BMPR1B: variants seen among roughly 807,000 people sequenced by gnomAD.
The protein encoded by BMPR1B is bone morphogenetic protein receptor type-1B.
A neutral mutation model predicts 59.1 loss-of-function variants in BMPR1B; 12 were observed. The observed-to-expected ratio is 0.20, with a 90% CI of 0.13 to 0.33. The LOEUF (loss-of-function observed/expected upper bound fraction) is 0.33. Among genes scored for constraint, BMPR1B ranks in the 10% least tolerant of loss-of-function variants. The probability of loss-of-function intolerance (pLI) is 1.00; values close to 1 mark genes in which losing one functional copy is unlikely to be tolerated. For synonymous variants in BMPR1B, 237 were observed against 207.3 expected (o/e 1.14, Z -1.23); for missense variants, 550 against 610.9 (o/e 0.90, Z 1.05).
intron 2 of BMPR1B, among the ~76,000 whole-genome samples, chr4:94,895,079 A>G (rs1053656462): frequency 6.6e-6 from 1 of 152,022 alleles, no homozygotes; most frequent in African/African-American, 2.4e-5. Context: ...TTCACGTTGG[A>G]GAGACTTGAT....
At chr4:94,961,471 T>C (rs1730351260) in intron 2 of BMPR1B, among the ~76,000 whole-genome samples, 1 of 152,120 alleles carries the variant, frequency 6.6e-6, no homozygotes, top group South Asian at 2.1e-4. Context: ...TCATTCTTTT[T>C]TTCTGTATTC....
chr4:95,044,656 G>C (rs919373072), intron 3 of BMPR1B, among the ~76,000 whole-genome samples: 1 of 152,148 alleles, frequency 6.6e-6, no homozygotes, highest in Non-Finnish European at 1.5e-5. Context: ...TGTGTCGCTC[G>C]TTCAAGGGAG....
intron 3 of BMPR1B, among the ~76,000 whole-genome samples, chr4:95,082,154 C>A (rs1729203980): frequency 8.4e-6 from 1 of 119,642 alleles, no homozygotes; most frequent in East Asian, 2.7e-4. Flanking sequence ...CCACAACAGT[C>A]CCCAGAGTGT....
At chr4:94,826,330 T>G (rs1405512083) in intron 1 of BMPR1B, among the ~76,000 whole-genome samples, 1 of 152,136 alleles carries the variant, frequency 6.6e-6, no homozygotes, top group Non-Finnish European at 1.5e-5. Context: ...CTCTGTCAAA[T>G]GTAGTCATTT....
rs1266793683 is a variant in BMPR1B, at chr4:95,154,220, C to A, written c.1384-328C>A. Among the ~76,000 whole-genome samples, 4 of 152,180 alleles carry A rather than the reference C, an allele frequency of 2.6e-5. No individual in the cohort carries two copies. The East Asian group carries it at 5.8e-4, about 22-fold the overall frequency. ...TATGGAATTAGATAAAAGATTAAAA[C>A]TTATCAAGTGTTATAAACAATCTGG... On this transcript the variant is annotated intron_variant, in intron 12 of 12. Transcript: ENST00000515059.
chr4:94,873,068 T>C (rs1044414518), intron 1 of BMPR1B, among the ~76,000 whole-genome samples: 1 of 152,218 alleles, frequency 6.6e-6, no homozygotes, highest in Non-Finnish European at 1.5e-5. Flanking sequence ...ATATGATTTT[T>C]TTTTTTGGCC....
intron 2 of BMPR1B, among the ~76,000 whole-genome samples, chr4:94,960,513 A>G (rs538597304): frequency 6.6e-6 from 1 of 152,102 alleles, no homozygotes; most frequent in Non-Finnish European, 1.5e-5. Flanking sequence ...TTCTGAGGTA[A>G]ATTAGGTCTA....
chr4:94,856,879 T>C (rs1725778053), intron 1 of BMPR1B, among the ~76,000 whole-genome samples: 1 of 152,148 alleles, frequency 6.6e-6, no homozygotes, highest in Non-Finnish European at 1.5e-5. Flanking sequence ...TAGAAAACAG[T>C]TTAGCATAAC....
At chr4:95,107,286 A>G (rs184286354) in intron 4 of BMPR1B, among the ~76,000 whole-genome samples, 1 of 152,162 alleles carries the variant, frequency 6.6e-6, no homozygotes, top group African/African-American at 2.4e-5. Context: ...TGGATCTATT[A>G]GAGAGTAGAA....
At chr4:94,787,002 C>A (rs1560484157) in intron 1 of BMPR1B, among the ~76,000 whole-genome samples, 1 of 152,120 alleles carries the variant, frequency 6.6e-6, no homozygotes, top group East Asian at 1.9e-4. Flanking sequence ...AACGTAACCA[C>A]TTTTATTCCC....
chr4:94,771,740 C>T (rs530818553), intron 1 of BMPR1B, among the ~76,000 whole-genome samples: 6 of 152,196 alleles, frequency 3.9e-5, no homozygotes, highest in South Asian at 2.1e-4. Context: ...ATTGACTTTT[C>T]TGTTTGATCC....
At chr4:94,923,998 T>G (rs1324826358) in intron 2 of BMPR1B, among the ~76,000 whole-genome samples, 2 of 152,302 alleles carry the variant, frequency 1.3e-5, no homozygotes, top group South Asian at 2.1e-4. Context: ...AGCATCCAAC[T>G]TAAGGATGCT....
chr4:94,850,255 T>C (rs1329076339), intron 1 of BMPR1B, among the ~76,000 whole-genome samples: 1 of 145,108 alleles, frequency 6.9e-6, no homozygotes, highest in East Asian at 2.0e-4. Context: ...TAGGACTGCC[T>C]CTTCAAGGTA....
intron 1 of BMPR1B, among the ~76,000 whole-genome samples, chr4:94,871,710 A>G (rs529761814): frequency 3.9e-5 from 6 of 152,338 alleles, no homozygotes; most frequent in African/African-American, 1.2e-4. Flanking sequence ...GTAAACACAT[A>G]CAGAAAAGGT....
At chr4:94,870,031 T>C in intron 1 of BMPR1B, among the ~76,000 whole-genome samples, 1 of 152,212 alleles carries the variant, frequency 6.6e-6, no homozygotes, top group Non-Finnish European at 1.5e-5. Context: ...CAAAGTTATA[T>C]TAGAGAAGAA....
chr4:95,121,392 C>T (rs547641661), intron 6 of BMPR1B, among the ~76,000 whole-genome samples: 3 of 152,214 alleles, frequency 2.0e-5, no homozygotes, highest in South Asian at 2.1e-4. Context: ...GTGAAATAAG[C>T]GCATCACGGG....
intron 2 of BMPR1B, among the ~76,000 whole-genome samples, chr4:94,993,864 T>G (rs566539965): frequency 6.6e-6 from 1 of 151,144 alleles, no homozygotes; most frequent in Non-Finnish European, 1.5e-5. Flanking sequence ...GAAATAAAGG[T>G]CAAGAAAATA....
At chr4:94,858,008 C>A (rs1725831514) in intron 1 of BMPR1B, among the ~76,000 whole-genome samples, 1 of 152,106 alleles carries the variant, frequency 6.6e-6, no homozygotes, top group Non-Finnish European at 1.5e-5. Flanking sequence ...TGCAGTGGCG[C>A]AATCTTGGCT....
In BMPR1B at chr4:95,158,408, T is replaced by C. The variant is rs1735563356; in HGVS notation, c.*3735T>C. The C allele has an allele frequency of 6.6e-6, 1 of 152,180 alleles. No homozygotes were observed. The highest frequency in any genetic ancestry group is 1.5e-5 in the Non-Finnish European group (1 of 68,030). The allele number at this position is 152,180 out of a possible 1,614,324, so 9.4% of individuals were successfully genotyped here. A position where few individuals can be genotyped will look rare whatever the true frequency, so the allele number is the denominator to read the frequency against. ...ATTGTATATGGCTTTGTTTTAACAT[T>C]CCCCTAAATAAAATGGCTTCATTCT... On this transcript the variant is annotated 3_prime_UTR_variant, in exon 13 of 13. Transcript: ENST00000515059.
Sources: gnomAD v4.1 joint callset for allele counts (sites outside exome capture counted in the v4.1 genomes callset) on GRCh38, gnomAD v4.1.1 for gene constraint, MANE v1.5 for transcripts, NCBI Gene and HGNC (gene_info 2026-07-23, HGNC 2026-07-21) for gene names.